GSE1: variants seen among roughly 807,000 people sequenced by gnomAD.
GSE1 encodes Gse1 coiled-coil protein, also known as genetic suppressor element 1.
In GSE1, 32 loss-of-function variants were observed where a neutral mutation model predicts 112.6. That is an observed-to-expected ratio of 0.28 (90% CI 0.21 to 0.38). The LOEUF (loss-of-function observed/expected upper bound fraction) is 0.38, where lower values mean the gene tolerates loss of function less well. Ranked by LOEUF, GSE1 falls within the 10% of genes least tolerant of loss-of-function variation. The pLI is 1.00. For synonymous variants in GSE1, 1,115 were observed against 735.6 expected (o/e 1.52, Z -8.35); for missense variants, 2,348 against 1,699.2 (o/e 1.38, Z -6.71).
At chr16:85,341,602 A>C (rs113952732) in intron 1 of GSE1, among the ~76,000 whole-genome samples, 2 of 152,092 alleles carry the variant, frequency 1.3e-5, no homozygotes, top group African/African-American at 4.8e-5. Flanking sequence ...AGGTGCAGTG[A>C]GCAGAGATCA....
intron 1 of GSE1, among the ~76,000 whole-genome samples, chr16:85,257,704 G>T (rs1201959379): frequency 1.3e-5 from 2 of 152,202 alleles, no homozygotes; most frequent in African/African-American, 4.8e-5. Context: ...CCAGCTACTG[G>T]TGAGGCTGAG....
intron 1 of GSE1, among the ~76,000 whole-genome samples, chr16:85,282,301 C>T (rs959802710): frequency 1.3e-5 from 2 of 152,228 alleles, no homozygotes; most frequent in Non-Finnish European, 2.9e-5. Flanking sequence ...GCTGGGATTA[C>T]AGGCGTGAGC....
At chr16:85,344,021 C>T (rs558588726) in intron 1 of GSE1, among the ~76,000 whole-genome samples, 1 of 152,334 alleles carries the variant, frequency 6.6e-6, no homozygotes, top group Non-Finnish European at 1.5e-5. Context: ...AACATGGCTC[C>T]TTACATAACT....
chr16:85,355,225 G>GA (rs201798825), intron 1 of GSE1, among the ~76,000 whole-genome samples: 27 of 147,314 alleles, frequency 1.8e-4, no homozygotes, highest in Admixed American at 6.1e-4. Flanking sequence ...ATCCCTAAAA[G>GA]AAAAAAAAAA....
At chr16:85,235,724 C>A (rs900501806) in intron 1 of GSE1, among the ~76,000 whole-genome samples, 1 of 151,722 alleles carries the variant, frequency 6.6e-6, no homozygotes, top group Admixed American at 6.5e-5. Context: ...TTCCCCTCTG[C>A]GGCGGGACTA....
In GSE1 at chr16:85,209,245, A is replaced by G. The variant is rs1451380288; in HGVS notation, c.2283+37438A>G. ...ACAACAACCCCACGAGGTAGGCACA[A>G]TGCTCCCATTTTACAGATGAGGAAA... On this transcript the variant is annotated intron_variant, in intron 1 of 2. Coordinates refer to the GSE1 transcript ENST00000637419. 2.6e-5 allele frequency among the ~76,000 whole-genome samples: 4 copies of G among 152,254 alleles called. No individual in the cohort carries two copies. The East Asian group carries it at 5.8e-4, about 22-fold the overall frequency.
intron 2 of GSE1, among the ~76,000 whole-genome samples, chr16:85,462,461 G>C (rs1213778962): frequency 3.9e-5 from 6 of 151,986 alleles, no homozygotes; most frequent in African/African-American, 7.2e-5. Flanking sequence ...AAATGCGCCA[G>C]TGCCCAGGTC....
rs189458573 is a variant in GSE1, at chr16:85,241,639, A to C, written c.2283+69832A>C. ...GGATTTAGGAATATGTCACTCAGCT[A>C]GTAAGCCACCGAACAGGGATTCAAA... On this transcript the variant is annotated intron_variant, in intron 1 of 2. Transcript: ENST00000637419. 1.4e-4 allele frequency among the ~76,000 whole-genome samples: 21 copies of C among 152,286 alleles called. No homozygotes were observed. The East Asian group carries it at 4.1e-3, about 29-fold the overall frequency.
At chr16:85,248,031 A>G (rs1906048414) in intron 1 of GSE1, among the ~76,000 whole-genome samples, 1 of 152,220 alleles carries the variant, frequency 6.6e-6, no homozygotes, top group African/African-American at 2.4e-5. Context: ...AAAAGAGCTT[A>G]CTTAAGGCCT....
At chr16:85,614,443 G>A (rs1172502228) in intron 1 of GSE1, among the ~76,000 whole-genome samples, 1 of 152,238 alleles carries the variant, frequency 6.6e-6, no homozygotes, top group Non-Finnish European at 1.5e-5. Context: ...CCAGCGCCGG[G>A]TGGGGGACCA....
intron 1 of GSE1, among the ~76,000 whole-genome samples, chr16:85,331,492 T>C (rs549322420): frequency 2.9e-4 from 37 of 126,466 alleles, no homozygotes; most frequent in African/African-American, 9.0e-4. Flanking sequence ...TGTATATATG[T>C]GTATATGTGT....
At chr16:85,670,051 C>T (rs1040802636) in intron 14 of GSE1, among the ~76,000 whole-genome samples, 9 of 152,222 alleles carry the variant, frequency 5.9e-5, no homozygotes, top group Non-Finnish European at 1.0e-4. Context: ...AATTTACAGG[C>T]GTGGTTGGCA....
rs531172727 is a variant in GSE1 at position 85,474,198 on chromosome 16, C to G, written c.2464+116555C>G. On this transcript the variant is annotated intron_variant, in intron 2 of 2. Coordinates refer to the GSE1 transcript ENST00000637419. Reference sequence around the variant, plus strand: ...TGCTGGGCCAGGCCAGGCCAGGGACCTGGGACAGAGAAGGGGGGCAGAGGT... The same window carrying G: ...TGCTGGGCCAGGCCAGGCCAGGGACGTGGGACAGAGAAGGGGGGCAGAGGT... 3.3e-5 allele frequency among the ~76,000 whole-genome samples: 5 copies of G among 152,178 alleles called. No homozygotes were observed. In the South Asian group the frequency reaches 8.3e-4, roughly 25 times the overall value.
chr16:85,387,116 C>G (rs1436377683), intron 2 of GSE1, among the ~76,000 whole-genome samples: 1 of 152,196 alleles, frequency 6.6e-6, no homozygotes, highest in East Asian at 1.9e-4. Flanking sequence ...ACCGTGGTTT[C>G]TAGATGGCCC....
intron 1 of GSE1, among the ~76,000 whole-genome samples, chr16:85,263,635 TGA>T (rs1390198308): frequency 6.7e-6 from 1 of 148,924 alleles, no homozygotes; most frequent in Non-Finnish European, 1.5e-5. Flanking sequence ...TGCAATGGAG[TGA>T]TTTTGGCTCA....
chr16:85,555,154 T>C, upstream of GSE1: 1 of 985,360 alleles, frequency 1.0e-6, no homozygotes. Flanking sequence ...CCCTACCCTT[T>C]CGCTTTCATT....
intron 2 of GSE1, among the ~76,000 whole-genome samples, chr16:85,428,365 C>T (rs752538383): frequency 6.6e-6 from 1 of 152,216 alleles, no homozygotes; most frequent in Non-Finnish European, 1.5e-5. Context: ...GCTCTAACTT[C>T]GGAGCCGACC....
chr16:85,604,917 A>G (rs1304004489), intron 1 of GSE1, among the ~76,000 whole-genome samples: 1 of 118,084 alleles, frequency 8.5e-6, no homozygotes, highest in East Asian at 2.8e-4. Context: ...TCCCGGGTTC[A>G]CGCCATTCTC....
At chr16:85,613,866 G>T (rs1037462464) in intron 1 of GSE1, among the ~76,000 whole-genome samples, 1 of 148,828 alleles carries the variant, frequency 6.7e-6, no homozygotes, top group Non-Finnish European at 1.5e-5. Context: ...GTGTGGGGGG[G>T]GGGGGTGCTC....
Sources: allele counts gnomAD v4.1 joint callset (sites outside exome capture counted in the v4.1 genomes callset), GRCh38; gene constraint gnomAD v4.1.1; transcripts MANE v1.5; gene names NCBI Gene and HGNC (gene_info 2026-07-23, HGNC 2026-07-21).